The following ENPP3 variants were observed in gnomAD, a reference collection of about 807,000 sequenced individuals.
The protein encoded by ENPP3 is ectonucleotide pyrophosphatase/phosphodiesterase family member 3.
ENPP3 carries 104 observed loss-of-function variants against 117.8 expected under a neutral mutation model. That is an observed-to-expected ratio of 0.88 (90% CI 0.75 to 1.04). ENPP3 has a LOEUF of 1.04. Among genes scored for constraint, ENPP3 ranks in the 50% least tolerant of loss-of-function variants. The pLI, the probability that ENPP3 is intolerant of heterozygous loss-of-function variation, is 0.00. For missense variants in ENPP3, 1,026 were observed against 1,051.9 expected, an observed-to-expected ratio of 0.98 and a Z score of 0.34; for synonymous variants, 380 against 349.9, an observed-to-expected ratio of 1.09 and a Z score of -0.96.
At chr6:131,656,766 CAAA>C (rs776315476) in intron 5 of ENPP3, among the ~76,000 whole-genome samples, 3 of 90,882 alleles carry the variant, frequency 3.3e-5, no homozygotes, top group Middle Eastern at 8.6e-3. Context: ...GACTCCGTCT[CAAA>C]AAAAAAAAAA....
chr6:131,740,748 T>G (rs1219407508), intron 24 of ENPP3, among the ~76,000 whole-genome samples: 3 of 152,202 alleles, frequency 2.0e-5, no homozygotes, highest in Admixed American at 6.5e-5. Context: ...CGTGCATACT[T>G]TGTATAATGA....
chr6:131,643,305 C>A (rs952729352), intron 2 of ENPP3, among the ~76,000 whole-genome samples: 4 of 152,094 alleles, frequency 2.6e-5, no homozygotes, highest in African/African-American at 9.7e-5. Context: ...GGCTATTTTA[C>A]CCCCTAAATC....
intron 20 of ENPP3, among the ~76,000 whole-genome samples, 164 bp downstream of exon 20, chr6:131,726,364 T>C (rs1780155153): frequency 6.6e-6 from 1 of 152,184 alleles, no homozygotes; most frequent in African/African-American, 2.4e-5. Flanking sequence ...TTGTTATAGG[T>C]GCTACACGGG....
intron 15 of ENPP3, among the ~76,000 whole-genome samples, chr6:131,694,422 C>T (rs1231552865): frequency 2.0e-5 from 3 of 152,160 alleles, no homozygotes; most frequent in Admixed American, 6.5e-5. Context: ...TTTTGTATTT[C>T]ATACCAGCAC....
chr6:131,731,914 T>C (rs1363616483), intron 20 of ENPP3, among the ~76,000 whole-genome samples: 3 of 152,260 alleles, frequency 2.0e-5, no homozygotes, highest in African/African-American at 7.2e-5. Context: ...AGAAGTTTTC[T>C]AGCTGGAGCT....
At chr6:131,661,032 C>G (rs1396084569) in intron 6 of ENPP3, among the ~76,000 whole-genome samples, 1 of 152,190 alleles carries the variant, frequency 6.6e-6, no homozygotes, top group African/African-American at 2.4e-5. Context: ...CTTCAAGTTT[C>G]ATCCATGTTA....
At position 131,747,174 on chromosome 6, in the gene ENPP3, A is replaced by G. The variant is rs1780655084; in HGVS notation, c.*218A>G. On this transcript the variant is annotated 3_prime_UTR_variant, in exon 25 of 25. Coordinates refer to ENST00000357639, the MANE Select transcript of ENPP3 (RefSeq NM_005021.5). Reference sequence around the variant, plus strand: ...TCACACAGAGATGATGCTATATTACACCTTCCCTTTTTTGTTGGTTTCTTA... The same window carrying G: ...TCACACAGAGATGATGCTATATTACGCCTTCCCTTTTTTGTTGGTTTCTTA... 3.3e-6 allele frequency: 1 copy of G among 307,128 alleles called. No individual in the cohort carries two copies. 19.0% of individuals were successfully genotyped at this position (307,128 alleles called of 1,614,324 possible).
At chr6:131,739,274 A>C (rs1780470777) in intron 23 of ENPP3, among the ~76,000 whole-genome samples, 1 of 152,176 alleles carries the variant, frequency 6.6e-6, no homozygotes, top group Non-Finnish European at 1.5e-5. Flanking sequence ...CAGACTTTGC[A>C]CTTAAAACTT....
intron 20 of ENPP3, among the ~76,000 whole-genome samples, chr6:131,728,367 G>A (rs17185166): frequency 0.048 from 7,305 of 152,142 alleles, 232 homozygotes; most frequent in South Asian, 0.08. Context: ...GAGCTTTGGC[G>A]GAAACCAAAG....
chr6:131,732,366 T>G (rs1406333956), intron 20 of ENPP3, among the ~76,000 whole-genome samples: 2 of 152,174 alleles, frequency 1.3e-5, no homozygotes, highest in Non-Finnish European at 2.9e-5. Context: ...CAGGATGTCC[T>G]CTTGGTAAAT....
intron 3 of ENPP3, among the ~76,000 whole-genome samples, chr6:131,651,109 G>A (rs1307820592): frequency 6.6e-6 from 1 of 151,864 alleles, no homozygotes; most frequent in Non-Finnish European, 1.5e-5. Context: ...TGGTAGAGAC[G>A]GGGTTTCACC....
In ENPP3 at chr6:131,652,735, C is replaced by T; in HGVS notation, c.403+68C>T. 3 of 1,597,760 alleles carry T rather than the reference C, an allele frequency of 1.9e-6. 1 individual carries two copies. The South Asian group carries it at 3.3e-5, about 18-fold the overall frequency. On this transcript the variant is annotated intron_variant, in intron 4 of 24. Coordinates refer to ENST00000357639, the MANE Select transcript of ENPP3 (RefSeq NM_005021.5). ...AGGAACTCCATGAGTTTCCTAGAGC[C>T]ATGCTAGGCTGCAAAAATCAAAACA...
At chr6:131,744,802 T>C (rs1039041162) in intron 24 of ENPP3, among the ~76,000 whole-genome samples, 4 of 146,766 alleles carry the variant, frequency 2.7e-5, no homozygotes, top group South Asian at 4.4e-4. Context: ...AGGTCATTTA[T>C]ACACACACAC....
chr6:131,646,086 A>G (rs1428192555), intron 2 of ENPP3, among the ~76,000 whole-genome samples: 3 of 152,170 alleles, frequency 2.0e-5, no homozygotes, highest in Non-Finnish European at 4.4e-5. Flanking sequence ...AAGTCTCAGC[A>G]ATTAAGACTT....
At chr6:131,696,498 G>A (rs1265128535) in intron 15 of ENPP3, among the ~76,000 whole-genome samples, 2 of 152,198 alleles carry the variant, frequency 1.3e-5, no homozygotes, top group Non-Finnish European at 2.9e-5. Context: ...GATAGGATAC[G>A]TGTTGCCATA....
At chr6:131,696,865 G>A (rs1399393258) in intron 15 of ENPP3, among the ~76,000 whole-genome samples, 1 of 150,928 alleles carries the variant, frequency 6.6e-6, no homozygotes, top group Non-Finnish European at 1.5e-5. Flanking sequence ...CGCCTCCCAG[G>A]TTCATGCCAT....
intron 15 of ENPP3, 116 bp from the exon 16 acceptor site, chr6:131,718,556 T>C: frequency 2.2e-6 from 1 of 458,016 alleles, no homozygotes; most frequent in Admixed American, 3.8e-5. Flanking sequence ...TATTCTGTTG[T>C]TGATAAAAAA....
intron 6 of ENPP3, among the ~76,000 whole-genome samples, chr6:131,665,850 T>C (rs1778605936): frequency 6.6e-6 from 1 of 152,156 alleles, no homozygotes; most frequent in Non-Finnish European, 1.5e-5. Flanking sequence ...AATGTAGGCA[T>C]TTATTACTAT....
At chr6:131,687,493 AAAAC>A (rs1298790434) in intron 14 of ENPP3, among the ~76,000 whole-genome samples, 1 of 152,200 alleles carries the variant, frequency 6.6e-6, no homozygotes, top group East Asian at 1.9e-4. Flanking sequence ...CAATTACAAC[AAAAC>A]AAAAAATAGG....
Sources: gnomAD v4.1 joint callset for allele counts (sites outside exome capture counted in the v4.1 genomes callset) on GRCh38, gnomAD v4.1.1 for gene constraint, MANE v1.5 for transcripts, NCBI Gene and HGNC (gene_info 2026-07-23, HGNC 2026-07-21) for gene names.